The following SEMA5A variants were observed in gnomAD, a reference collection of about 807,000 sequenced individuals.
The protein encoded by SEMA5A is semaphorin-5A.
Under a neutral mutation model 135.5 loss-of-function variants are expected in SEMA5A, and 55 were observed. The ratio of observed to expected loss-of-function variants is 0.41; its 90% CI spans 0.33 to 0.51. The LOEUF is 0.51. Among genes scored for constraint, SEMA5A ranks in the 20% least tolerant of loss-of-function variants. SEMA5A has a pLI of 0.37. For synonymous variants in SEMA5A, 580 were observed against 546.5 expected, an observed-to-expected ratio of 1.06 and a Z score of -0.85; for missense variants, 1,290 against 1,419.9, an observed-to-expected ratio of 0.91 and a Z score of 1.47.
chr5:9,060,424 G>T (rs1195183852), intron 18 of SEMA5A, among the ~76,000 whole-genome samples: 1 of 152,162 alleles, frequency 6.6e-6, no homozygotes, highest in Admixed American at 6.5e-5. Context: ...AGGGTCTGGA[G>T]CCCAGGGAGA....
Position 9,220,970 on chromosome 5 carries a change from G to A in SEMA5A, c.646+3704C>T, listed in dbSNP as rs548194740. Among the ~76,000 whole-genome samples, 12 of 152,216 alleles carry A rather than the reference G, an allele frequency of 7.9e-5. No individual in the cohort carries two copies. In the South Asian group the frequency reaches 2.5e-3, roughly 32 times the overall value. ...CAACAAAGTCAGCCAATAATGGAGG[G>A]CAACTGATGGGACAGGGACTTACCC... On this transcript the variant is annotated intron_variant, in intron 8 of 22. Coordinates refer to ENST00000382496, the MANE Select transcript of SEMA5A (RefSeq NM_003966.3).
At position 9,036,418 on chromosome 5, in the gene SEMA5A, A is replaced by G. The variant is rs949797139; in HGVS notation, c.*6479T>C. Reference sequence around the variant, plus strand: ...GTGGTTCTCATTCCATGCTCACTGTATCTATACCAGTTGTCACCAGCCTGT... The same window carrying G: ...GTGGTTCTCATTCCATGCTCACTGTGTCTATACCAGTTGTCACCAGCCTGT... On this transcript the variant is annotated 3_prime_UTR_variant, in exon 23 of 23. Coordinates refer to ENST00000382496, the MANE Select transcript of SEMA5A (RefSeq NM_003966.3). 1.0e-5 allele frequency: 1 copy of G among 96,574 alleles called. No individual in the cohort carries two copies. The highest frequency in any genetic ancestry group is 2.4e-5 in the Non-Finnish European group (1 of 42,160). 6.0% of individuals were successfully genotyped at this position (96,574 alleles called of 1,614,324 possible). A position where few individuals can be genotyped will look rare whatever the true frequency, so the allele number is the denominator to read the frequency against.
At chr5:9,069,078 G>C (rs1737633599) in intron 16 of SEMA5A, among the ~76,000 whole-genome samples, 1 of 152,128 alleles carries the variant, frequency 6.6e-6, no homozygotes, top group South Asian at 2.1e-4. Flanking sequence ...TTTTCACCGG[G>C]GTCTGGTTGC....
intron 3 of SEMA5A, among the ~76,000 whole-genome samples, chr5:9,370,731 T>C (rs1403030936): frequency 6.6e-6 from 1 of 152,208 alleles, no homozygotes; most frequent in East Asian, 1.9e-4. Flanking sequence ...ACCACTGCTA[T>C]CCACTGGAGA....
chr5:9,491,939 A>G (rs1414014590), intron 1 of SEMA5A, among the ~76,000 whole-genome samples: 1 of 152,212 alleles, frequency 6.6e-6, no homozygotes, highest in Non-Finnish European at 1.5e-5. Context: ...ACTTGCCACT[A>G]TTCTCTCTCT....
At chr5:9,374,587 C>T (rs1755279859) in intron 3 of SEMA5A, among the ~76,000 whole-genome samples, 1 of 151,876 alleles carries the variant, frequency 6.6e-6, no homozygotes, top group Non-Finnish European at 1.5e-5. Flanking sequence ...TGAGCCATTT[C>T]AAGGCCTGAC....
intron 1 of SEMA5A, among the ~76,000 whole-genome samples, chr5:9,528,212 A>T (rs1245498755): frequency 1.3e-5 from 2 of 152,222 alleles, no homozygotes; most frequent in African/African-American, 4.8e-5. Flanking sequence ...AAATGGTGTC[A>T]GCCCTCAGTT....
chr5:9,501,199 G>T lies in SEMA5A; in HGVS notation c.-175+44385C>A, dbSNP rs1323831990. Reference sequence around the variant, plus strand: ...AACACCACAGCAGTTTCATGCAATTGTGTCAAAATGGTTGCTAACACAATT... The same window carrying T: ...AACACCACAGCAGTTTCATGCAATTTTGTCAAAATGGTTGCTAACACAATT... On this transcript the variant is annotated intron_variant, in intron 1 of 22. Transcript: ENST00000382496. Among the ~76,000 whole-genome samples, 4 of 152,186 alleles carry T rather than the reference G, an allele frequency of 2.6e-5. No individual in the cohort carries two copies. In the East Asian group the frequency reaches 7.7e-4, roughly 29 times the overall value.
intron 16 of SEMA5A, among the ~76,000 whole-genome samples, chr5:9,094,676 C>A (rs966174146): frequency 6.6e-6 from 1 of 152,200 alleles, no homozygotes; most frequent in Non-Finnish European, 1.5e-5. Context: ...TTCTTTCAGT[C>A]ACTGTCATTT....
At chr5:9,427,196 A>G (rs893450020) in intron 2 of SEMA5A, among the ~76,000 whole-genome samples, 1 of 152,034 alleles carries the variant, frequency 6.6e-6, no homozygotes, top group Non-Finnish European at 1.5e-5. Flanking sequence ...CTGTAATCTC[A>G]GCTACTCAGA....
intron 2 of SEMA5A, among the ~76,000 whole-genome samples, chr5:9,423,323 T>C (rs905669546): frequency 6.6e-6 from 1 of 152,236 alleles, no homozygotes; most frequent in South Asian, 2.1e-4. Context: ...AATGAAATGA[T>C]CCACTGGATG....
chr5:9,202,051 G>A lies in SEMA5A; in HGVS notation c.836C>T (p.Ser279Phe), dbSNP rs1453974287. 2 of 1,614,096 alleles carry A rather than the reference G, an allele frequency of 1.2e-6. No individual in the cohort carries two copies. The highest frequency in any genetic ancestry group is 1.7e-6 in the Non-Finnish European group (2 of 1,180,042). Reference sequence around the variant, plus strand: ...GTAAAAGGGGACTTCCCCAGGACGGGAGCAGTTCAGGCGAGCCTTCATGAA... The same window carrying A: ...GTAAAAGGGGACTTCCCCAGGACGGAAGCAGTTCAGGCGAGCCTTCATGAA... ...TTFMKARLNC[S>F]RPGEVPFYYN... The change falls in exon 9 of 23, where the codon TCC becomes TTC. Residue 279 changes from serine to phenylalanine, a missense_variant. Physicochemically the swap from Ser to Phe is radical, Grantham distance 155 (BLOSUM62 -2). This residue lies in a region of SEMA5A where 1,029 missense variants were observed against 1,086.6 expected (regional missense o/e 0.95). Coordinates refer to ENST00000382496, the MANE Select transcript of SEMA5A (RefSeq NM_003966.3).
chr5:9,394,328 T>G (rs1756295308), intron 2 of SEMA5A, among the ~76,000 whole-genome samples: 1 of 152,050 alleles, frequency 6.6e-6, no homozygotes, highest in South Asian at 2.1e-4. Flanking sequence ...GTGGTAACCA[T>G]TTACCATGTG....
chr5:9,170,747 C>A (rs557978748), intron 11 of SEMA5A, among the ~76,000 whole-genome samples: 2 of 152,294 alleles, frequency 1.3e-5, no homozygotes, highest in East Asian at 3.9e-4. Context: ...CATCCCCCAG[C>A]ACTATGAGAA....
chr5:9,048,454 C>T (rs1219936527), intron 21 of SEMA5A, among the ~76,000 whole-genome samples: 2 of 152,326 alleles, frequency 1.3e-5, no homozygotes, highest in East Asian at 3.9e-4. Context: ...ATTAAAATGT[C>T]ACTGACCTGA....
At chr5:9,345,450 T>A (rs866445421) in intron 3 of SEMA5A, among the ~76,000 whole-genome samples, 1 of 151,802 alleles carries the variant, frequency 6.6e-6, no homozygotes, top group South Asian at 2.1e-4. Flanking sequence ...TTTCCTACAA[T>A]TTCACAGATT....
At chr5:9,169,889 C>G (rs137932926) in intron 11 of SEMA5A, among the ~76,000 whole-genome samples, 1 of 152,164 alleles carries the variant, frequency 6.6e-6, no homozygotes, top group African/African-American at 2.4e-5. Context: ...TTATTAAGAA[C>G]TTATTTGGGT....
chr5:9,443,238 G>A (rs1340780395), intron 1 of SEMA5A, among the ~76,000 whole-genome samples: 1 of 152,140 alleles, frequency 6.6e-6, no homozygotes, highest in Non-Finnish European at 1.5e-5. Context: ...AATCTCTGTG[G>A]CTGGGGGTCC....
intron 1 of SEMA5A, among the ~76,000 whole-genome samples, chr5:9,532,416 C>T (rs1247564202): frequency 6.6e-6 from 1 of 151,502 alleles, no homozygotes; most frequent in Non-Finnish European, 1.5e-5. Context: ...CAGGTGCCTG[C>T]CACCATGCCC....
Sources: gnomAD v4.1 joint callset for allele counts (sites outside exome capture counted in the v4.1 genomes callset) on GRCh38, gnomAD v4.1.1 for gene constraint, gnomAD v4.1.1 regional missense constraint, MANE v1.5 for transcripts, NCBI Gene and HGNC (gene_info 2026-07-23, HGNC 2026-07-21) for gene names.